IGSF10: variants seen among roughly 807,000 people sequenced by gnomAD.
IGSF10 encodes the protein immunoglobulin superfamily member 10, also known as calvaria mechanical force protein 608.
In IGSF10, 126 loss-of-function variants were observed where a neutral mutation model predicts 128.2. The observed-to-expected ratio is 0.98, with a 90% CI of 0.85 to 1.14. The LOEUF (loss-of-function observed/expected upper bound fraction) is 1.14. Among genes scored for constraint, IGSF10 ranks in the 50% most tolerant of loss-of-function variants. IGSF10 has a pLI of 0.00. For synonymous variants in IGSF10, 1,185 were observed against 1,146.2 expected (o/e 1.03, Z -0.68); for missense variants, 3,295 against 3,149.8 (o/e 1.05, Z -1.10).
At chr3:151,610,677 G>A in the IGSF10 span, among the ~76,000 whole-genome samples, 1 of 152,138 alleles carries the variant, frequency 6.6e-6, no homozygotes, top group African/African-American at 2.4e-5. Flanking sequence ...TACAGACTGG[G>A]TAATTTATAA....
chr3:151,522,667 G>A, the IGSF10 span, among the ~76,000 whole-genome samples: 428 of 152,104 alleles, frequency 2.8e-3, no homozygotes, highest in Middle Eastern at 0.014. Flanking sequence ...TTTCAAACTA[G>A]GTATTGATGG....
At chr3:151,548,831 T>C in the IGSF10 span, among the ~76,000 whole-genome samples, 78,389 of 151,532 alleles carry the variant, frequency 0.52, 20,534 homozygotes, top group East Asian at 0.64. Flanking sequence ...CTTTTTTTCT[T>C]TTATTTTCCA....
the IGSF10 span, among the ~76,000 whole-genome samples, chr3:151,477,489 A>G: frequency 1.9e-4 from 29 of 152,304 alleles, no homozygotes; most frequent in African/African-American, 6.5e-4. Context: ...AATATTTAGA[A>G]GTTTTTATTT....
At chr3:151,606,374 TTTAA>T in the IGSF10 span, among the ~76,000 whole-genome samples, 7 of 152,186 alleles carry the variant, frequency 4.6e-5, no homozygotes, top group Non-Finnish European at 1.0e-4. Flanking sequence ...ATTTCAGAAG[TTTAA>T]TTGTCTTACT....
chr3:151,561,285 G>A, the IGSF10 span, among the ~76,000 whole-genome samples: 1 of 152,084 alleles, frequency 6.6e-6, no homozygotes, highest in African/African-American at 2.4e-5. Flanking sequence ...AAAGTAAAGG[G>A]AGAAAAATCT....
the IGSF10 span, among the ~76,000 whole-genome samples, chr3:151,587,002 G>A: frequency 2.1e-3 from 325 of 152,096 alleles, 1 homozygote; most frequent in African/African-American, 7.7e-3. Flanking sequence ...ATTTAAAGTA[G>A]GAATTAATAA....
At chr3:151,597,145 C>A in the IGSF10 span, among the ~76,000 whole-genome samples, 3 of 152,112 alleles carry the variant, frequency 2.0e-5, no homozygotes, top group African/African-American at 4.8e-5. Context: ...CCAAATGAAC[C>A]ATTGACCTCA....
the IGSF10 span, among the ~76,000 whole-genome samples, chr3:151,556,652 A>G: frequency 6.6e-6 from 1 of 152,294 alleles, no homozygotes; most frequent in East Asian, 1.9e-4. Context: ...AGATTTCAGT[A>G]CATAGCACTG....
At chr3:151,492,804 A>G in the IGSF10 span, among the ~76,000 whole-genome samples, 5 of 152,122 alleles carry the variant, frequency 3.3e-5, no homozygotes, top group Admixed American at 1.3e-4. Flanking sequence ...CCCAAAGGAG[A>G]TGAAATCATC....
chr3:151,594,581 A>G, the IGSF10 span, among the ~76,000 whole-genome samples: 2 of 150,410 alleles, frequency 1.3e-5, no homozygotes, highest in African/African-American at 4.9e-5. Flanking sequence ...TCGGCCTCCC[A>G]AAGTGCTGGG....
the IGSF10 span, among the ~76,000 whole-genome samples, chr3:151,590,329 C>T: frequency 4.0e-5 from 6 of 151,886 alleles, no homozygotes; most frequent in South Asian, 2.1e-4. Flanking sequence ...CATGAGCCAC[C>T]GTGCCCAGCC....
chr3:151,563,774 G>A, the IGSF10 span, among the ~76,000 whole-genome samples: 1 of 152,094 alleles, frequency 6.6e-6, no homozygotes, highest in East Asian at 1.9e-4. Context: ...TTGAACAAAA[G>A]CCATAATTTA....
upstream of IGSF10, chr3:151,461,171 C>G (rs113361418): frequency 1.1e-3 from 1,092 of 985,396 alleles, 10 homozygotes; most frequent in African/African-American, 0.017. Context: ...TTTATGTTTA[C>G]GAGCGTGTGG....
At chr3:151,501,099 T>C in the IGSF10 span, among the ~76,000 whole-genome samples, 1 of 152,088 alleles carries the variant, frequency 6.6e-6, no homozygotes, top group African/African-American at 2.4e-5. Flanking sequence ...AAAGCCTGCT[T>C]GATTATAAGC....
chr3:151,441,794 G>A (rs956072007), intron 7 of IGSF10, among the ~76,000 whole-genome samples: 2 of 152,218 alleles, frequency 1.3e-5, no homozygotes, highest in Non-Finnish European at 2.9e-5. Flanking sequence ...AGGCACGGTG[G>A]CTCATGCCTG....
the IGSF10 span, among the ~76,000 whole-genome samples, chr3:151,536,637 A>G: frequency 6.6e-6 from 1 of 152,160 alleles, no homozygotes; most frequent in Non-Finnish European, 1.5e-5. Context: ...ACTGTTAACC[A>G]AGGTTAACAA....
At chr3:151,613,400 C>T in the IGSF10 span, among the ~76,000 whole-genome samples, 8 of 152,168 alleles carry the variant, frequency 5.3e-5, no homozygotes, top group Admixed American at 5.2e-4. Context: ...AAGCTGGAGG[C>T]ATCACGCTAC....
chr3:151,435,380 A>AAGT, downstream of IGSF10: 1 of 152,074 alleles, frequency 6.6e-6, no homozygotes, highest in Admixed American at 6.5e-5. Context: ...AGTAGAGGAG[A>AAGT]TCAATGCGTA....
the IGSF10 span, among the ~76,000 whole-genome samples, chr3:151,534,796 A>AGTGTGTGTGTGTGTGT: frequency 7.7e-4 from 99 of 129,344 alleles, 1 homozygote; most frequent in Non-Finnish European, 1.3e-3. Context: ...CAGAATTTAA[A>AGTGTGTGTGTGTGTGT]GTGTATGTGT....
Sources: allele counts gnomAD v4.1 joint callset (sites outside exome capture counted in the v4.1 genomes callset), GRCh38; gene constraint gnomAD v4.1.1; transcripts MANE v1.5; gene names NCBI Gene and HGNC (gene_info 2026-07-23, HGNC 2026-07-21).